The following TMEM175 variants were observed in gnomAD, a reference collection of about 807,000 sequenced individuals.
TMEM175 encodes the protein transmembrane protein 175.
In TMEM175, 36 loss-of-function variants were observed where a neutral mutation model predicts 36.5. That is an observed-to-expected ratio of 0.99 (90% CI 0.76 to 1.30). The LOEUF (loss-of-function observed/expected upper bound fraction) is 1.30, where lower values mean the gene tolerates loss of function less well. TMEM175 is among the 50% of genes most tolerant of loss of function. The pLI is 0.00. For synonymous variants in TMEM175, 339 were observed against 313.4 expected (o/e 1.08, Z -0.86); for missense variants, 705 against 692.8 (o/e 1.02, Z -0.20).
intron 6 of TMEM175, chr4:951,987 C>T (rs928067731): frequency 9.8e-5 from 58 of 590,846 alleles, no homozygotes; most frequent in African/African-American, 8.6e-4. Context: ...CATCCCAGGC[C>T]TGTCCCTGGC....
intron 10 of TMEM175, chr4:957,006 A>G (rs1326662941): frequency 1.3e-5 from 2 of 155,860 alleles, no homozygotes; most frequent in Non-Finnish European, 2.8e-5. Context: ...CTGATTGTGC[A>G]GGCCAGCTGA....
At chr4:941,280 A>G (rs1388227276) in intron 1 of TMEM175, among the ~76,000 whole-genome samples, 2 of 146,414 alleles carry the variant, frequency 1.4e-5, no homozygotes, top group South Asian at 2.2e-4. Flanking sequence ...GGAGGCTGAC[A>G]CAGGAGAATC....
At chr4:951,518 G>C (rs1728885139) in intron 5 of TMEM175, 164 bp from the exon 6 acceptor site, 1 of 895,154 alleles carries the variant, frequency 1.1e-6, no homozygotes, top group Non-Finnish European at 1.8e-6. Flanking sequence ...GAGAGGATGA[G>C]TGCCCCCATC....
intron 3 of TMEM175, among the ~76,000 whole-genome samples, chr4:950,023 G>A (rs376111085): frequency 1.3e-5 from 2 of 152,146 alleles, no homozygotes; most frequent in Admixed American, 6.5e-5. Context: ...TCCCACATGC[G>A]GATACACAGA....
At chr4:950,343 C>G (rs560156686) in intron 3 of TMEM175, 78 bp from the exon 4 acceptor site, 15 of 1,220,468 alleles carry the variant, frequency 1.2e-5, no homozygotes, top group East Asian at 4.6e-5. Context: ...GCCAGCCCCC[C>G]CTCACGGTGC....
chr4:957,957 G>A lies in TMEM175; in HGVS notation c.976G>A (p.Ala326Thr), dbSNP rs143946130. 1.7e-5 allele frequency: 27 copies of A among 1,612,562 alleles called. No homozygotes were observed. Among genetic ancestry groups the A allele is most frequent in the African/African-American group, 1.2e-4 (9 of 74,928 alleles). Reference protein sequence around the residue: ...SFATVGLLWFAHHSLFLHVRK... With the variant: ...SFATVGLLWFTHHSLFLHVRK... ...CGCCACAGTGGGACTGCTGTGGTTCGCCCACCACTCACTCTTCCTGCATGT... is the reference window on the plus strand; with the variant it reads ...CGCCACAGTGGGACTGCTGTGGTTCACCCACCACTCACTCTTCCTGCATGT... Residue 326 changes from alanine to threonine, a missense_variant, in exon 11 of 11, where the codon GCC (alanine) becomes ACC (threonine). By Grantham distance (58) the Ala-to-Thr change is moderately conservative. Transcript: ENST00000264771.
At chr4:936,504 G>T (rs1036200876) in intron 1 of TMEM175, among the ~76,000 whole-genome samples, 1 of 152,042 alleles carries the variant, frequency 6.6e-6, no homozygotes, top group Non-Finnish European at 1.5e-5. Flanking sequence ...CAAGAAAAAG[G>T]CAAGACACAA....
In TMEM175 at chr4:958,172, G is replaced by A. The variant is rs1334261224; in HGVS notation, c.1191G>A (p.Ala397=). 1.7e-5 allele frequency: 28 copies of A among 1,603,248 alleles called. No individual in the cohort carries two copies. Among genetic ancestry groups the A allele is most frequent in the African/African-American group, 1.3e-4 (10 of 74,914 alleles). The part of the protein sequence containing the change: ...SIFQLAMWTT[A]LLHQAETLQP... Reference sequence around the variant, plus strand: ...TCCAGCTGGCCATGTGGACCACGGCGCTGCTGCACCAGGCGGAGACGCTGC... The same window carrying A: ...TCCAGCTGGCCATGTGGACCACGGCACTGCTGCACCAGGCGGAGACGCTGC... The change falls in exon 11 of 11, where the codon GCG becomes GCA. Residue 397 remains alanine (A), a synonymous_variant. Transcript: ENST00000264771.
At chr4:950,314 C>T (rs1244090374) in intron 3 of TMEM175, 107 bp from the exon 4 acceptor site, 23 of 893,880 alleles carry the variant, frequency 2.6e-5, no homozygotes, top group Admixed American at 5.8e-5. Context: ...CCGAGGGTTT[C>T]GCCCTGCCCT....
Position 958,105 on chromosome 4 carries a change from G to A in TMEM175, c.1124G>A (p.Arg375His), listed in dbSNP as rs141982011. ...FARQPRDELE[R>H]VRVSCTIIFL... ...CGGCAGCCCCGCGATGAGCTGGAGC[G>A]CGTGCGTGTCAGCTGCACCATCATC... Residue 375 changes from arginine (R) to histidine (H), a missense_variant, in exon 11 of 11, where the codon CGC (arginine) becomes CAC (histidine). Arg to His is a conservative substitution (Grantham distance 29). Transcript: ENST00000264771. 60 of 1,604,974 alleles carry A rather than the reference G, an allele frequency of 3.7e-5. No individual in the cohort carries two copies. The highest frequency in any genetic ancestry group is 2.7e-4 in the Admixed American group (16 of 60,006).
Position 947,817 on chromosome 4 carries a change from T to A in TMEM175, c.78T>A (p.Ala26=), listed in dbSNP as rs752686451. Residue 26 remains alanine (A), a synonymous_variant, in exon 2 of 11, where the codon GCT becomes GCA. Transcript: ENST00000264771. ...CCCCAGGCAGGAGAGACGAGGACGC[T>A]GGGGAGGGGATCCAGTGCTCCCAAC... ...DCPPGRRDED[A]GEGIQCSQRM... is the part of the protein sequence containing the mutation. 6.2e-7 allele frequency: 1 copy of A among 1,613,144 alleles called. No homozygotes were observed. Among genetic ancestry groups the A allele is most frequent in the African/African-American group, 1.3e-5 (1 of 74,938 alleles).
intron 1 of TMEM175, among the ~76,000 whole-genome samples, chr4:941,391 A>G (rs1214165571): frequency 3.3e-5 from 5 of 149,918 alleles, no homozygotes; most frequent in African/African-American, 1.2e-4. Context: ...AAAAAAAAAA[A>G]AAAAAGAAAC....
In TMEM175 at chr4:951,591, C is replaced by T. The variant is rs929921255; in HGVS notation, c.343-91C>T. 2.6e-6 allele frequency: 4 copies of T among 1,561,214 alleles called. No individual in the cohort carries two copies. The African/African-American group carries it at 4.1e-5, about 16-fold the overall frequency. On this transcript the variant is annotated intron_variant, in intron 5 of 10. Transcript: ENST00000264771. ...TGGCCCACCCTTCTTGGGGAGGGCC[C>T]AGCCCTGTGCCTTCCCGGAGTGGGC...
At chr4:949,383 C>T (rs1348694647) in intron 3 of TMEM175, among the ~76,000 whole-genome samples, 1 of 152,150 alleles carries the variant, frequency 6.6e-6, no homozygotes, top group Non-Finnish European at 1.5e-5. Flanking sequence ...TCAGAAAGTC[C>T]TGGAGAGTCA....
intron 5 of TMEM175, 71 bp from the exon 6 acceptor site, chr4:951,611 G>T: frequency 1.2e-6 from 2 of 1,602,000 alleles, no homozygotes; most frequent in African/African-American, 2.7e-5. Context: ...CCTTCCCGGA[G>T]TGGGCTCTGT....
At chr4:939,577 G>A (rs186368964) in intron 1 of TMEM175, among the ~76,000 whole-genome samples, 2 of 152,254 alleles carry the variant, frequency 1.3e-5, no homozygotes, top group African/African-American at 2.4e-5. Context: ...TTAGCTGGGC[G>A]TGGGGGTGAG....
chr4:948,983 T>C (rs947304812), intron 3 of TMEM175, among the ~76,000 whole-genome samples: 10 of 152,108 alleles, frequency 6.6e-5, no homozygotes, highest in African/African-American at 2.4e-4. Context: ...CCTGGCCCAG[T>C]CTGCAGGGAG....
rs139308844 is a variant in TMEM175, at chr4:938,756, C to A, written c.-32+6216C>A. Among the ~76,000 whole-genome samples the A allele has an allele frequency of 8.5e-5, 13 of 152,096 alleles. No homozygotes were observed. The East Asian group carries it at 2.5e-3, about 29-fold the overall frequency. On this transcript the variant is annotated intron_variant, in intron 1 of 10. Transcript: ENST00000264771. ...AAAATTAGCTGAGAGAAATTAAAGCCCATAATAAATGGAGAGATATGCCAT... is the reference window on the plus strand; with the variant it reads ...AAAATTAGCTGAGAGAAATTAAAGCACATAATAAATGGAGAGATATGCCAT...
In TMEM175 at chr4:950,502, TG is replaced by T. The variant is rs779948531; in HGVS notation, c.277del (p.Ala93GlnfsTer25). ...LMTFLIVTVA[W>X]AAHTRLFQVV... ...GACCTTTCTCATCGTGACAGTGGCC[TG>T]GGCAGCACACACAAGGTGGGGGCCC... On this transcript the variant is annotated frameshift_variant, in exon 4 of 11. Coordinates refer to ENST00000264771, the MANE Select transcript of TMEM175 (RefSeq NM_032326.4). LOFTEE classifies it high-confidence loss of function. 6.2e-7 allele frequency: 1 copy of T among 1,613,918 alleles called. No individual in the cohort carries two copies. The highest frequency in any genetic ancestry group is 8.5e-7 in the Non-Finnish European group (1 of 1,179,908).
Sources: gnomAD v4.1 joint callset for allele counts (sites outside exome capture counted in the v4.1 genomes callset) on GRCh38, gnomAD v4.1.1 for gene constraint, MANE v1.5 for transcripts, NCBI Gene and HGNC (gene_info 2026-07-23, HGNC 2026-07-21) for gene names.